Variants in CPEB3 observed in about 807,000 individuals in gnomAD.
The protein encoded by CPEB3 is cytoplasmic polyadenylation element binding protein 3.
CPEB3 carries 20 observed loss-of-function variants against 67.2 expected under a neutral mutation model. The observed-to-expected ratio is 0.30, with a 90% CI of 0.21 to 0.43. The LOEUF (loss-of-function observed/expected upper bound fraction) is 0.43. Ranked by LOEUF, CPEB3 falls within the 20% of genes least tolerant of loss-of-function variation. CPEB3 has a pLI of 1.00. For missense variants in CPEB3, 746 were observed against 968.6 expected, an observed-to-expected ratio of 0.77 and a Z score of 3.05; for synonymous variants, 376 against 393.1, an observed-to-expected ratio of 0.96 and a Z score of 0.51.
intron 9 of CPEB3, among the ~76,000 whole-genome samples, chr10:92,054,535 G>A (rs1024210488): frequency 1.3e-5 from 2 of 151,824 alleles, no homozygotes; most frequent in African/African-American, 4.8e-5. Context: ...CACCTCCCAG[G>A]TTCAAGCGAT....
At chr10:92,089,174 C>T (rs1176923455) in intron 8 of CPEB3, among the ~76,000 whole-genome samples, 4 of 152,158 alleles carry the variant, frequency 2.6e-5, no homozygotes. Flanking sequence ...TAAAAAACGT[C>T]TTCTATTCCA....
chr10:92,203,478 ATG>A (rs1849627367), intron 2 of CPEB3, among the ~76,000 whole-genome samples: 1 of 146,434 alleles, frequency 6.8e-6, no homozygotes, highest in South Asian at 2.1e-4. Context: ...GTGTATATAT[ATG>A]TGTGTATATG....
chr10:92,181,293 A>T (rs1268330243), intron 3 of CPEB3, among the ~76,000 whole-genome samples: 1 of 151,158 alleles, frequency 6.6e-6, no homozygotes, highest in East Asian at 1.9e-4. Context: ...CTGCATTCCA[A>T]TTTAAACATG....
intron 9 of CPEB3, among the ~76,000 whole-genome samples, chr10:92,072,715 G>A (rs1246070173): frequency 6.6e-6 from 1 of 152,172 alleles, no homozygotes; most frequent in Non-Finnish European, 1.5e-5. Flanking sequence ...TGGTTCTCTA[G>A]GAGGTGGGGA....
intron 2 of CPEB3, among the ~76,000 whole-genome samples, chr10:92,227,686 G>A (rs1317849633): frequency 6.6e-6 from 1 of 150,670 alleles, no homozygotes; most frequent in Non-Finnish European, 1.5e-5. Context: ...CGCCCCCCGG[G>A]GTTCACGCCA....
intron 8 of CPEB3, among the ~76,000 whole-genome samples, chr10:92,085,324 C>T (rs1364586575): frequency 6.6e-6 from 1 of 152,132 alleles, no homozygotes; most frequent in Admixed American, 6.5e-5. Context: ...AGCTATGGTT[C>T]AAGGGTATAC....
chr10:92,156,914 T>G (rs886222299), intron 4 of CPEB3, among the ~76,000 whole-genome samples: 1 of 152,298 alleles, frequency 6.6e-6, no homozygotes, highest in Non-Finnish European at 1.5e-5. Context: ...TGGGTAAGCA[T>G]AGGCAGAAAA....
intron 2 of CPEB3, among the ~76,000 whole-genome samples, chr10:92,199,518 C>T (rs1399520723): frequency 6.6e-6 from 1 of 151,550 alleles, no homozygotes; most frequent in Non-Finnish European, 1.5e-5. Context: ...CGGTGAAACC[C>T]CGTCTATACT....
rs954673336 is a variant in CPEB3 at position 92,137,338 on chromosome 10, T to C, written c.1453+5691A>G. On this transcript the variant is annotated intron_variant, in intron 6 of 9. Coordinates refer to ENST00000265997, the MANE Select transcript of CPEB3 (RefSeq NM_014912.5). ...CATCGTGGGTACCCCTGGCCATATA[T>C]CTGATATGCTTAACCAGAGATACCT... is the stretch of plus-strand genomic sequence containing the variant. 7 of 873,662 alleles carry C rather than the reference T, an allele frequency of 8.0e-6. No homozygotes were observed. In the Admixed American group the frequency reaches 9.8e-5, roughly 12 times the overall value. 54.1% of individuals were successfully genotyped at this position (873,662 alleles called of 1,614,324 possible).
At chr10:92,130,541 T>C (rs1845798588) in intron 6 of CPEB3, among the ~76,000 whole-genome samples, 1 of 152,132 alleles carries the variant, frequency 6.6e-6, no homozygotes, top group South Asian at 2.1e-4. Context: ...AATGTCTTAA[T>C]GGCCCTTGTG....
At chr10:92,071,519 CAGG>C (rs1842752637) in intron 9 of CPEB3, among the ~76,000 whole-genome samples, 1 of 152,002 alleles carries the variant, frequency 6.6e-6, no homozygotes, top group Non-Finnish European at 1.5e-5. Context: ...ATCACGAGGT[CAGG>C]AGTTCAAAAC....
At chr10:92,092,738 C>T (rs796567982) in intron 7 of CPEB3, among the ~76,000 whole-genome samples, 4 of 152,068 alleles carry the variant, frequency 2.6e-5, no homozygotes, top group African/African-American at 9.6e-5. Flanking sequence ...CGAGATCACG[C>T]CACTGCACTG....
chr10:92,166,861 T>C (rs1447883902), intron 4 of CPEB3, among the ~76,000 whole-genome samples: 1 of 152,254 alleles, frequency 6.6e-6, no homozygotes, highest in African/African-American at 2.4e-5. Context: ...TGGCATCTTC[T>C]TCCAATAGAT....
intron 6 of CPEB3, among the ~76,000 whole-genome samples, chr10:92,131,788 G>A (rs774120151): frequency 6.6e-6 from 1 of 152,132 alleles, no homozygotes; most frequent in Non-Finnish European, 1.5e-5. Flanking sequence ...TACGTTTTCT[G>A]TAAAGAGATG....
At chr10:92,220,724 T>C (rs1564880616) in intron 2 of CPEB3, among the ~76,000 whole-genome samples, 1 of 152,224 alleles carries the variant, frequency 6.6e-6, no homozygotes, top group African/African-American at 2.4e-5. Flanking sequence ...GCCTTGATGT[T>C]AAACATCTTA....
intron 1 of CPEB3, among the ~76,000 whole-genome samples, chr10:92,264,623 C>G (rs1852959935): frequency 1.4e-5 from 2 of 146,678 alleles, no homozygotes; most frequent in Admixed American, 1.4e-4. Context: ...GGCTGAGGCA[C>G]AAGAATTGCT....
At chr10:92,095,707 TAAATA>T (rs1473732330) in intron 7 of CPEB3, among the ~76,000 whole-genome samples, 4 of 150,722 alleles carry the variant, frequency 2.7e-5, no homozygotes, top group Non-Finnish European at 4.4e-5. Context: ...GTGGAGAGTA[TAAATA>T]AAATAACCAC....
At chr10:92,233,090 G>T (rs1488846504) in intron 2 of CPEB3, among the ~76,000 whole-genome samples, 4 of 152,184 alleles carry the variant, frequency 2.6e-5, no homozygotes, top group Non-Finnish European at 5.9e-5. Context: ...GTGGGGATGA[G>T]TAGACCTTAA....
intron 4 of CPEB3, among the ~76,000 whole-genome samples, chr10:92,157,563 G>A (rs1483161184): frequency 6.6e-6 from 1 of 152,070 alleles, no homozygotes; most frequent in African/African-American, 2.4e-5. Context: ...ACTTTGGAAG[G>A]GGTCCAAGCA....
Sources: allele counts gnomAD v4.1 joint callset (sites outside exome capture counted in the v4.1 genomes callset), GRCh38; gene constraint gnomAD v4.1.1; transcripts MANE v1.5; gene names NCBI Gene and HGNC (gene_info 2026-07-23, HGNC 2026-07-21).